The following NTM variants were observed in gnomAD, a reference collection of about 807,000 sequenced individuals.
The protein encoded by NTM is IgLON family member 2.
In NTM, 13 loss-of-function variants were observed where a neutral mutation model predicts 42.1. The observed-to-expected ratio is 0.31, with a 90% CI of 0.20 to 0.49. The LOEUF is 0.49. NTM is among the 20% of genes least tolerant of loss of function. NTM has a pLI of 0.99. For synonymous variants in NTM, 187 were observed against 179.2 expected (o/e 1.04, Z -0.35); for missense variants, 373 against 452.8 (o/e 0.82, Z 1.60).
chr11:131,370,660 C>A lies in NTM; in HGVS notation c.-147C>A. 5 of 653,418 alleles carry A rather than the reference C, an allele frequency of 7.7e-6. No homozygotes were observed. The highest frequency in any genetic ancestry group is 5.3e-6 in the Non-Finnish European group (2 of 380,632). 40.5% of individuals were successfully genotyped at this position (653,418 alleles called of 1,614,324 possible). ...TACGGAGAAGTCATACTCTCTCACA[C>A]CCTCGGCTTTCTTGTTGTGTCCTTC... On this transcript the variant is annotated 5_prime_UTR_variant, in exon 1 of 9. Transcript: ENST00000683400.
At chr11:132,214,845 C>G (rs2083511979) in intron 4 of NTM, among the ~76,000 whole-genome samples, 1 of 152,160 alleles carries the variant, frequency 6.6e-6, no homozygotes, top group Admixed American at 6.5e-5. Context: ...CAGAATGTAC[C>G]TGTGGATTAA....
chr11:132,151,373 CAG>C (rs2071871014), intron 3 of NTM, among the ~76,000 whole-genome samples: 2 of 152,152 alleles, frequency 1.3e-5, no homozygotes, highest in African/African-American at 2.4e-5. Flanking sequence ...TGGTTGTGTG[CAG>C]AGTGTTAAGA....
chr11:131,445,402 G>C (rs1949981164), intron 1 of NTM, among the ~76,000 whole-genome samples: 1 of 152,182 alleles, frequency 6.6e-6, no homozygotes, highest in South Asian at 2.1e-4. Flanking sequence ...ATGAGAAAAG[G>C]AAAATTCACT....
chr11:131,649,648 C>T (rs2066219571), intron 1 of NTM, among the ~76,000 whole-genome samples: 1 of 152,134 alleles, frequency 6.6e-6, no homozygotes, highest in Non-Finnish European at 1.5e-5. Flanking sequence ...AGATAGTAAA[C>T]TCTGTATGTG....
intron 1 of NTM, among the ~76,000 whole-genome samples, chr11:131,723,828 ATG>A (rs377370764): frequency 7.9e-5 from 12 of 151,118 alleles, no homozygotes; most frequent in South Asian, 4.2e-4. Context: ...GTGTGTGTGC[ATG>A]TGTGTGTGTG....
In NTM at chr11:132,335,952, C is replaced by G. The variant is rs1472911404; in HGVS notation, c.*806C>G. On this transcript the variant is annotated 3_prime_UTR_variant, in exon 9 of 9. Coordinates refer to ENST00000683400, the MANE Select transcript of NTM (RefSeq NM_001352005.2). ...TTAACTAGGTTTACAACTGGTGGAC[C>G]ACACACCAGGCACTAATCACCTGGT... The G allele has an allele frequency of 6.6e-6, 1 of 152,466 alleles. No individual in the cohort carries two copies. Among genetic ancestry groups the G allele is most frequent in the Non-Finnish European group, 1.5e-5 (1 of 68,016 alleles). 9.4% of individuals were successfully genotyped at this position (152,466 alleles called of 1,614,324 possible). A position where few individuals can be genotyped will look rare whatever the true frequency, so the allele number is the denominator to read the frequency against.
chr11:131,560,430 T>C (rs1427404676), intron 1 of NTM, among the ~76,000 whole-genome samples: 2 of 152,210 alleles, frequency 1.3e-5, no homozygotes, highest in Non-Finnish European at 2.9e-5. Flanking sequence ...AGTAATCATA[T>C]GCTACTTAGA....
intron 1 of NTM, among the ~76,000 whole-genome samples, chr11:131,568,459 T>C (rs2057115787): frequency 6.6e-6 from 1 of 152,246 alleles, no homozygotes; most frequent in African/African-American, 2.4e-5. Flanking sequence ...AGTTAGATTC[T>C]AGCCTAGAAA....
intron 2 of NTM, among the ~76,000 whole-genome samples, chr11:131,950,817 C>T (rs1368051228): frequency 6.6e-6 from 1 of 152,236 alleles, no homozygotes; most frequent in Non-Finnish European, 1.5e-5. Flanking sequence ...TCCTCCCACG[C>T]ATGGCCTCTC....
rs192893736 is a variant in NTM at position 131,837,960 on chromosome 11, G to A, written c.83-73604G>A. ...CTAACACGAGTTTTCAGACAGGTTGGCCTAATATATTAACTTCTGTCTGTG... is the reference window on the plus strand; with the variant it reads ...CTAACACGAGTTTTCAGACAGGTTGACCTAATATATTAACTTCTGTCTGTG... On this transcript the variant is annotated intron_variant, in intron 1 of 8. Transcript: ENST00000683400. 8.5e-5 allele frequency among the ~76,000 whole-genome samples: 13 copies of A among 152,254 alleles called. No individual in the cohort carries two copies. The East Asian group carries it at 2.5e-3, about 29-fold the overall frequency.
intron 1 of NTM, chr11:131,660,714 G>T: frequency 2.3e-6 from 1 of 438,704 alleles, no homozygotes; most frequent in Non-Finnish European, 4.0e-6. Context: ...GAAGAGGGAC[G>T]GAGGAGGCAA....
At chr11:132,299,796 T>G (rs1435341899) in intron 4 of NTM, among the ~76,000 whole-genome samples, 2 of 152,180 alleles carry the variant, frequency 1.3e-5, no homozygotes, top group Non-Finnish European at 2.9e-5. Flanking sequence ...CTATGAAACA[T>G]CTTTTAAATT....
chr11:131,423,364 G>A (rs558849443), intron 1 of NTM, among the ~76,000 whole-genome samples: 4 of 152,308 alleles, frequency 2.6e-5, no homozygotes, highest in Non-Finnish European at 5.9e-5. Context: ...TGCCTTTCTA[G>A]TTCTGCTATG....
At chr11:131,691,113 T>C (rs2074624323) in intron 1 of NTM, among the ~76,000 whole-genome samples, 1 of 152,134 alleles carries the variant, frequency 6.6e-6, no homozygotes, top group East Asian at 1.9e-4. Context: ...CGGGGAGCCC[T>C]GGGCTGTGCT....
intron 1 of NTM, among the ~76,000 whole-genome samples, chr11:131,803,187 G>A (rs1470686368): frequency 6.6e-6 from 1 of 152,074 alleles, no homozygotes; most frequent in Non-Finnish European, 1.5e-5. Flanking sequence ...TAATTGAGAG[G>A]GGACATTATA....
chr11:132,133,914 G>A (rs996967296), intron 2 of NTM, among the ~76,000 whole-genome samples: 1 of 152,170 alleles, frequency 6.6e-6, no homozygotes, highest in Non-Finnish European at 1.5e-5. Flanking sequence ...AGCTACAGCT[G>A]ACTCTAGTCT....
chr11:131,416,155 TG>T (rs1946922212), intron 1 of NTM, among the ~76,000 whole-genome samples: 1 of 152,112 alleles, frequency 6.6e-6, no homozygotes, highest in African/African-American at 2.4e-5. Context: ...CAACTATATT[TG>T]GTACAGATCA....
chr11:131,985,646 G>A (rs866831706), intron 2 of NTM, among the ~76,000 whole-genome samples: 66 of 152,252 alleles, frequency 4.3e-4, no homozygotes, highest in Middle Eastern at 6.8e-3. Flanking sequence ...AGCACGCGGC[G>A]TCATAGGAAA....
chr11:131,508,482 C>A (rs1246336464), intron 1 of NTM, among the ~76,000 whole-genome samples: 2 of 139,020 alleles, frequency 1.4e-5, no homozygotes, highest in Admixed American at 7.2e-5. Flanking sequence ...TGTGGCGATT[C>A]CTCAGGGATC....
Sources: allele counts gnomAD v4.1 joint callset (sites outside exome capture counted in the v4.1 genomes callset), GRCh38; gene constraint gnomAD v4.1.1; transcripts MANE v1.5; gene names NCBI Gene and HGNC (gene_info 2026-07-23, HGNC 2026-07-21).